Variants in E2F7 observed in about 807,000 individuals in gnomAD.
The protein encoded by E2F7 is E2F transcription factor 7, also known as transcription factor E2F7.
Under a neutral mutation model 81.1 loss-of-function variants are expected in E2F7, and 35 were observed. The ratio of observed to expected loss-of-function variants is 0.43; its 90% CI spans 0.33 to 0.57. The LOEUF (loss-of-function observed/expected upper bound fraction) is 0.57. E2F7 is among the 20% of genes least tolerant of loss of function. The pLI is 0.04. For missense variants in E2F7, 961 were observed against 1,093.7 expected (o/e 0.88, Z 1.71); for synonymous variants, 416 against 416.2 (o/e 1.00, Z 0.01).
intron 2 of E2F7, among the ~76,000 whole-genome samples, chr12:77,056,524 T>C (rs1176864353): frequency 6.6e-6 from 1 of 152,202 alleles, no homozygotes; most frequent in Admixed American, 6.5e-5. Context: ...ACAATGCTTC[T>C]GTAGTTCAAT....
intron 3 of E2F7, among the ~76,000 whole-genome samples, chr12:77,052,172 A>C (rs1461291122): frequency 6.6e-6 from 1 of 152,218 alleles, no homozygotes; most frequent in South Asian, 2.1e-4. Context: ...GTCTTCATAG[A>C]TAAGAAAACT....
chr12:77,038,979 C>G (rs561908574), intron 7 of E2F7, among the ~76,000 whole-genome samples: 4 of 152,186 alleles, frequency 2.6e-5, no homozygotes, highest in African/African-American at 9.7e-5. Context: ...TACTTCCCAG[C>G]TTGTTTTAAG....
chr12:77,035,631 A>C (rs188723905), intron 7 of E2F7, among the ~76,000 whole-genome samples: 2 of 152,248 alleles, frequency 1.3e-5, no homozygotes, highest in Non-Finnish European at 2.9e-5. Context: ...AGCAAAGCTC[A>C]AGAACATTTT....
At chr12:77,060,252 C>T (rs1206678122) in intron 2 of E2F7, among the ~76,000 whole-genome samples, 1 of 152,148 alleles carries the variant, frequency 6.6e-6, no homozygotes, top group Non-Finnish European at 1.5e-5. Flanking sequence ...AAACGGCCCT[C>T]TAGTTCTTAT....
In E2F7 at chr12:77,021,579, A is replaced by G. The variant is rs551168053; in HGVS notation, c.*2436T>C. 4.6e-5 allele frequency: 7 copies of G among 152,774 alleles called. No homozygotes were observed. In the East Asian group the frequency reaches 1.3e-3, roughly 29 times the overall value. The allele number at this position is 152,774 out of a possible 1,614,324, so 9.5% of individuals were successfully genotyped here. A position where few individuals can be genotyped will look rare whatever the true frequency, so the allele number is the denominator to read the frequency against. On this transcript the variant is annotated 3_prime_UTR_variant, in exon 13 of 13. Coordinates refer to ENST00000322886, the MANE Select transcript of E2F7 (RefSeq NM_203394.3). The stretch of plus-strand genomic sequence containing the variant: ...GTAAACTTGGTAGGTAGATTCAAGT[A>G]TAAAAGTTATACCCCCGACTCTTGT...
At chr12:77,037,040 C>T (rs933470611) in intron 7 of E2F7, among the ~76,000 whole-genome samples, 22 of 152,294 alleles carry the variant, frequency 1.4e-4, no homozygotes, top group South Asian at 2.1e-4. Flanking sequence ...TGAGCCACCG[C>T]GCCCGGCCCA....
chr12:77,061,249 G>T (rs925039647), intron 2 of E2F7, among the ~76,000 whole-genome samples: 1 of 152,134 alleles, frequency 6.6e-6, no homozygotes, highest in East Asian at 1.9e-4. Flanking sequence ...GCTGCTTTCT[G>T]CACATATTTA....
At chr12:77,033,596 C>G (rs1226133992) in intron 8 of E2F7, among the ~76,000 whole-genome samples, 1 of 152,186 alleles carries the variant, frequency 6.6e-6, no homozygotes, top group Non-Finnish European at 1.5e-5. Context: ...CAAATAGGGT[C>G]AACTATGCCA....
chr12:77,045,434 A>G (rs1033721459), intron 5 of E2F7, among the ~76,000 whole-genome samples: 1 of 152,198 alleles, frequency 6.6e-6, no homozygotes, highest in Non-Finnish European at 1.5e-5. Flanking sequence ...CAGTAACTCT[A>G]ATGAAAACCA....
rs189676431 is a variant in E2F7, at chr12:77,064,685, T to C, written c.1-50A>G. On this transcript the variant is annotated intron_variant, in intron 1 of 12. Coordinates refer to ENST00000322886, the MANE Select transcript of E2F7 (RefSeq NM_203394.3). ...AATGATTTTGCAATTAGGTATTTTTTCCTCAAACAAAAATATCTACATATG... is the reference window on the plus strand; with the variant it reads ...AATGATTTTGCAATTAGGTATTTTTCCCTCAAACAAAAATATCTACATATG... 8.0e-6 allele frequency: 12 copies of C among 1,502,296 alleles called. No homozygotes were observed. In the East Asian group the frequency reaches 2.7e-4, roughly 34 times the overall value. 93.1% of individuals were successfully genotyped at this position (1,502,296 alleles called of 1,614,324 possible).
chr12:77,060,645 C>T (rs2120759976), intron 2 of E2F7, among the ~76,000 whole-genome samples: 1 of 152,298 alleles, frequency 6.6e-6, no homozygotes, highest in South Asian at 2.1e-4. Context: ...CACAGCTAAG[C>T]TGGTGCTCAC....
rs1954848457 is a variant in E2F7, at chr12:77,036,190, A to C, written c.1124-2148T>G. 2.6e-5 allele frequency among the ~76,000 whole-genome samples: 4 copies of C among 152,236 alleles called. No individual in the cohort carries two copies. The South Asian group carries it at 8.3e-4, about 31-fold the overall frequency. The stretch of plus-strand genomic sequence containing the variant: ...AGATCCAAGAAACGCAACAAAACCA[A>C]GTACACAAAACATGAAGAAAAGGAC... On this transcript the variant is annotated intron_variant, in intron 7 of 12. Coordinates refer to ENST00000322886, the MANE Select transcript of E2F7 (RefSeq NM_203394.3).
In E2F7 at chr12:77,046,101, C is replaced by A; in HGVS notation, c.766G>T (p.Asp256Tyr). The A allele has an allele frequency of 6.2e-7, 1 of 1,614,190 alleles. No homozygotes were observed. The highest frequency in any genetic ancestry group is 8.5e-7 in the Non-Finnish European group (1 of 1,180,036). ...TGTTCCTGGGAATCTGGATCACCAT[C>A]TTTTTTACGTTCTCCAAATTTATAA... ...IDYKFGERKKDGDPDSQEQQL... is the reference protein window; with the variant it reads ...IDYKFGERKKYGDPDSQEQQL... Residue 256 changes from aspartate (D) to tyrosine (Y), a missense_variant, in exon 5 of 13, where the codon GAT (aspartate) becomes TAT (tyrosine). Coordinates refer to ENST00000322886, the MANE Select transcript of E2F7 (RefSeq NM_203394.3).
Position 77,029,970 on chromosome 12 carries a change from G to T in E2F7, c.1745C>A (p.Ala582Asp). The change falls in exon 10 of 13, where the codon GCC becomes GAC. Residue 582 changes from alanine (A) to aspartate (D), a missense_variant. Physicochemically the swap from Ala to Asp is moderately radical, Grantham distance 126. Coordinates refer to ENST00000322886, the MANE Select transcript of E2F7 (RefSeq NM_203394.3). The part of the protein sequence containing the change: ...ERDDRSSEAP[A>D]TVELSSAPSA... ...GGGTGCAGATGACAGCTCTACTGTG[G>T]CTGGGGCTTCTGAGCTTCTGTCATC... 1.2e-6 allele frequency: 2 copies of T among 1,614,198 alleles called. No individual in the cohort carries two copies. Among genetic ancestry groups the T allele is most frequent in the South Asian group, 1.1e-5 (1 of 91,076 alleles).
At chr12:77,030,879 AAC>A (rs1466830859) in intron 9 of E2F7, among the ~76,000 whole-genome samples, 1 of 152,188 alleles carries the variant, frequency 6.6e-6, no homozygotes, top group African/African-American at 2.4e-5. Flanking sequence ...CTGGGAGAGT[AAC>A]AGAGACTGGA....
chr12:77,050,927 A>AT (rs1954981445), intron 3 of E2F7, among the ~76,000 whole-genome samples, 183 bp from the exon 4 acceptor site: 1 of 151,946 alleles, frequency 6.6e-6, no homozygotes, highest in South Asian at 2.1e-4. Flanking sequence ...CTCTGGACTG[A>AT]TTTTTTTCTC....
intron 9 of E2F7, among the ~76,000 whole-genome samples, chr12:77,031,416 G>A (rs1954806361): frequency 6.8e-6 from 1 of 147,076 alleles, no homozygotes; most frequent in South Asian, 2.2e-4. Flanking sequence ...TAAGACAGGT[G>A]GATAACCTGA....
intron 3 of E2F7, 53 bp from the exon 4 acceptor site, chr12:77,050,797 T>C (rs1954980501): frequency 6.3e-7 from 1 of 1,581,996 alleles, no homozygotes. Flanking sequence ...AACATCCTAA[T>C]GGAGAAATGG....
intron 9 of E2F7, 145 bp downstream of exon 9, chr12:77,032,905 A>G: frequency 1.6e-6 from 1 of 643,278 alleles, no homozygotes; most frequent in Non-Finnish European, 2.7e-6. Flanking sequence ...TGCACAGTGT[A>G]GGGCACAAAG....
Sources: gnomAD v4.1 joint callset for allele counts (sites outside exome capture counted in the v4.1 genomes callset) on GRCh38, gnomAD v4.1.1 for gene constraint, MANE v1.5 for transcripts, NCBI Gene and HGNC (gene_info 2026-07-23, HGNC 2026-07-21) for gene names.